TNFRSF10B: variants seen among roughly 807,000 people sequenced by gnomAD.
TNFRSF10B encodes the protein TNF receptor superfamily member 10b.
In TNFRSF10B, 35 loss-of-function variants were observed where a neutral mutation model predicts 41.4. That is an observed-to-expected ratio of 0.85 (90% CI 0.65 to 1.12). The LOEUF (loss-of-function observed/expected upper bound fraction) is 1.12, where lower values mean the gene tolerates loss of function less well. Among genes scored for constraint, TNFRSF10B ranks in the 50% most tolerant of loss-of-function variants. The pLI is 0.00. For missense variants in TNFRSF10B, 584 were observed against 552.7 expected, an observed-to-expected ratio of 1.06 and a Z score of -0.57; for synonymous variants, 230 against 215.5, an observed-to-expected ratio of 1.07 and a Z score of -0.59.
intron 1 of TNFRSF10B, among the ~76,000 whole-genome samples, chr8:23,047,333 G>C (rs1399444536): frequency 6.9e-6 from 1 of 145,716 alleles, no homozygotes; most frequent in Non-Finnish European, 1.5e-5. Flanking sequence ...CTCCAGCCTA[G>C]GCAACAAGAG....
rs1811789608 is a variant in TNFRSF10B at position 23,028,746 on chromosome 8, CT to C, written c.477-145del. ...CTCCTCGTGTCAGCAGTGGGTCCCC[CT>C]GTGCTCCCTTCTTGAGGCTGGGGAA... is the stretch of plus-strand genomic sequence containing the variant. On this transcript the variant is annotated intron_variant, in intron 4 of 8. Coordinates refer to ENST00000276431, the MANE Select transcript of TNFRSF10B (RefSeq NM_003842.5). The C allele has an allele frequency of 2.9e-6, 3 of 1,020,090 alleles. No individual in the cohort carries two copies. In the South Asian group the frequency reaches 4.3e-5, roughly 15 times the overall value. The allele number at this position is 1,020,090 out of a possible 1,614,324, so 63.2% of individuals were successfully genotyped here.
chr8:23,048,576 G>C (rs947893390), intron 1 of TNFRSF10B, among the ~76,000 whole-genome samples: 6 of 152,084 alleles, frequency 3.9e-5, no homozygotes, highest in African/African-American at 1.2e-4. Context: ...AGATTTTTGA[G>C]ATCTGTTGCA....
chr8:23,024,178 A>G lies in TNFRSF10B; in HGVS notation c.1009+10T>C. Reference sequence around the variant, plus strand: ...CATTCCTGCTGCATCTCCAGGAGCAAAACACTTACTCTCAGTGGGATCACC... The same window carrying G: ...CATTCCTGCTGCATCTCCAGGAGCAGAACACTTACTCTCAGTGGGATCACC... On this transcript the variant is annotated intron_variant, in intron 8 of 8. Coordinates refer to ENST00000276431, the MANE Select transcript of TNFRSF10B (RefSeq NM_003842.5). 6.2e-7 allele frequency: 1 copy of G among 1,614,006 alleles called. No individual in the cohort carries two copies. Among genetic ancestry groups the G allele is most frequent in the Non-Finnish European group, 8.5e-7 (1 of 1,179,960 alleles).
intron 1 of TNFRSF10B, among the ~76,000 whole-genome samples, chr8:23,060,042 CT>C (rs1472587203): frequency 1.3e-5 from 2 of 152,106 alleles, no homozygotes; most frequent in African/African-American, 4.8e-5. Context: ...ATATTAAGCC[CT>C]TATCAGATAT....
chr8:23,032,213 G>T (rs780778081), intron 2 of TNFRSF10B, among the ~76,000 whole-genome samples: 2 of 152,144 alleles, frequency 1.3e-5, no homozygotes, highest in African/African-American at 2.4e-5. Flanking sequence ...ATTAGACAGT[G>T]CCATCTTAGA....
chr8:23,061,648 G>A (rs932401935), intron 1 of TNFRSF10B, among the ~76,000 whole-genome samples: 7 of 152,188 alleles, frequency 4.6e-5, no homozygotes, highest in African/African-American at 1.7e-4. Flanking sequence ...TTTCAACACT[G>A]AGTATGATGT....
At chr8:23,030,646 T>C (rs1353650356) in intron 3 of TNFRSF10B, 113 bp downstream of exon 3, 7 of 770,970 alleles carry the variant, frequency 9.1e-6, no homozygotes, top group Middle Eastern at 2.7e-4. Context: ...GAACATGGTA[T>C]GATGAAGACC....
chr8:23,029,507 G>C, intron 4 of TNFRSF10B, 103 bp downstream of exon 4: 1 of 1,151,714 alleles, frequency 8.7e-7, no homozygotes, highest in South Asian at 1.3e-5. Context: ...CAGCCTCAAG[G>C]ATGCCCCTTG....
intron 2 of TNFRSF10B, among the ~76,000 whole-genome samples, chr8:23,034,769 T>C (rs970170725): frequency 2.0e-5 from 3 of 152,206 alleles, no homozygotes; most frequent in African/African-American, 7.2e-5. Flanking sequence ...CCTGGAGGGA[T>C]TGCAGAGATC....
At chr8:23,032,067 C>T (rs574264195) in intron 2 of TNFRSF10B, among the ~76,000 whole-genome samples, 87 of 152,038 alleles carry the variant, frequency 5.7e-4, no homozygotes, top group East Asian at 1.2e-3. Context: ...CCACCGCACC[C>T]GGCTAATTTT....
chr8:23,055,499 CTTAAG>C (rs370902622), intron 1 of TNFRSF10B, among the ~76,000 whole-genome samples: 192 of 137,110 alleles, frequency 1.4e-3, no homozygotes, highest in Non-Finnish European at 2.2e-3. Flanking sequence ...TAATCAAGTG[CTTAAG>C]TTAACTATTA....
intron 2 of TNFRSF10B, among the ~76,000 whole-genome samples, chr8:23,040,753 A>AC (rs1439567211): frequency 6.6e-6 from 1 of 152,002 alleles, no homozygotes; most frequent in Admixed American, 6.6e-5. Context: ...GACCATAATC[A>AC]CCTATATGCT....
At chr8:23,025,883 C>G (rs1422386537) in intron 7 of TNFRSF10B, among the ~76,000 whole-genome samples, 1 of 152,140 alleles carries the variant, frequency 6.6e-6, no homozygotes, top group African/African-American at 2.4e-5. Flanking sequence ...CGAGACCAGC[C>G]TAGGCAACAT....
At chr8:23,046,069 C>T (rs1218392490) in intron 1 of TNFRSF10B, among the ~76,000 whole-genome samples, 1 of 152,124 alleles carries the variant, frequency 6.6e-6, no homozygotes, top group Non-Finnish European at 1.5e-5. Context: ...CAACATGGTA[C>T]TGGAAGTCCT....
rs755110880 is a variant in TNFRSF10B, at chr8:23,022,609, T to C, written c.*62A>G. 8.2e-6 allele frequency: 13 copies of C among 1,593,604 alleles called. 1 individual carries two copies. Among genetic ancestry groups the C allele is most frequent in the African/African-American group, 2.7e-5 (2 of 74,572 alleles). On this transcript the variant is annotated 3_prime_UTR_variant, in exon 9 of 9. Transcript: ENST00000276431. ...CACTTTCCTACTGACTGGAGTCCAG[T>C]TGGGCTTTTTCCAGAAAAAAGGTAA... is the stretch of plus-strand genomic sequence containing the variant.
rs781354427 is a variant in TNFRSF10B, at chr8:23,068,956, G to C, written c.-62C>G. On this transcript the variant is annotated 5_prime_UTR_variant, in exon 1 of 9. Transcript: ENST00000276431. ...TGGGTTTCAGCCCTTAAAGTAGATC[G>C]GGCATCGTCGGTGTATTTTGTGGGC... is the stretch of plus-strand genomic sequence containing the variant. 6.2e-7 allele frequency: 1 copy of C among 1,611,754 alleles called. No homozygotes were observed. The highest frequency in any genetic ancestry group is 1.7e-5 in the Admixed American group (1 of 60,002).
intron 1 of TNFRSF10B, among the ~76,000 whole-genome samples, chr8:23,057,207 C>T (rs1475881845): frequency 4.0e-5 from 6 of 151,022 alleles, no homozygotes; most frequent in East Asian, 1.9e-4. Flanking sequence ...CCACCATGCC[C>T]GGCTCATTTT....
In TNFRSF10B at chr8:23,068,760, G is replaced by C. The variant is rs776810689; in HGVS notation, c.135C>G (p.Val45=). Residue 45 remains valine (V), a synonymous_variant, in exon 1 of 9, where the codon GTC becomes GTG. Transcript: ENST00000276431. ...PKTLVLVVAA[V]LLLVSAESAL... is the part of the protein sequence containing the mutation. The stretch of plus-strand genomic sequence containing the variant: ...CGCGGCGGGGACTCACCAACAGCAG[G>C]ACCGCGGCGACAACGAGCACAAGGG... The C allele has an allele frequency of 6.3e-7, 1 of 1,587,850 alleles. No individual in the cohort carries two copies. Among genetic ancestry groups the C allele is most frequent in the East Asian group, 2.3e-5 (1 of 43,780 alleles).
intron 8 of TNFRSF10B, among the ~76,000 whole-genome samples, 188 bp from the exon 9 acceptor site, chr8:23,023,172 C>T (rs540606222): frequency 5.5e-5 from 8 of 146,652 alleles, no homozygotes; most frequent in Non-Finnish European, 1.2e-4. Context: ...CTCCCCCACA[C>T]GCAAGGCACT....
Sources: allele counts gnomAD v4.1 joint callset (sites outside exome capture counted in the v4.1 genomes callset), GRCh38; gene constraint gnomAD v4.1.1; transcripts MANE v1.5; gene names NCBI Gene and HGNC (gene_info 2026-07-23, HGNC 2026-07-21).